The following RNF149 variants were observed in gnomAD, a reference collection of about 807,000 sequenced individuals.
RNF149 encodes ring finger protein 149, also known as E3 ubiquitin-protein ligase RNF149.
RNF149 carries 21 observed loss-of-function variants against 39.0 expected under a neutral mutation model. The observed-to-expected ratio is 0.54, with a 90% confidence interval of 0.38 to 0.77. The LOEUF (loss-of-function observed/expected upper bound fraction) is 0.77, where lower values mean the gene tolerates loss of function less well. Ranked by LOEUF, RNF149 falls within the 30% of genes least tolerant of loss-of-function variation. The pLI, the probability that RNF149 is intolerant of heterozygous loss-of-function variation, is 0.00. For synonymous variants in RNF149, 209 were observed against 213.6 expected (o/e 0.98, Z 0.19); for missense variants, 493 against 534.9 (o/e 0.92, Z 0.77).
rs1558784220 is a variant in RNF149, at chr2:101,289,020, A to G, written c.816T>C (p.Cys272=). Residue 272 remains cysteine, a synonymous_variant, in exon 4 of 7, where the codon TGT becomes TGC. Coordinates refer to ENST00000295317, the MANE Select transcript of RNF149 (RefSeq NM_173647.4). ...TATCCTTTACTTTGAAATTTTCAAT[A>G]CACACTGCACAATTTTCAGCATCAA... is the stretch of plus-strand genomic sequence containing the variant. ...IDVDAENCAV[C]IENFKVKDII... 6.3e-7 allele frequency: 1 copy of G among 1,595,486 alleles called. No homozygotes were observed. Among genetic ancestry groups the G allele is most frequent in the Non-Finnish European group, 8.6e-7 (1 of 1,164,274 alleles).
rs1348295595 is a variant in RNF149 at position 101,276,773 on chromosome 2, A to G, written c.*465T>C. ...TCAGTTTACAAGTTTCAAGTTCTTA[A>G]AAAAAAAACAACAAAAAAAACCTTT... On this transcript the variant is annotated 3_prime_UTR_variant, in exon 7 of 7. Coordinates refer to ENST00000295317, the MANE Select transcript of RNF149 (RefSeq NM_173647.4). 1.0e-6 allele frequency: 1 copy of G among 988,992 alleles called. No homozygotes were observed. The highest frequency in any genetic ancestry group is 1.2e-6 in the Non-Finnish European group (1 of 831,974). The allele number at this position is 988,992 out of a possible 1,614,324, so 61.3% of individuals were successfully genotyped here. A position where few individuals can be genotyped will look rare whatever the true frequency, so the allele number is the denominator to read the frequency against.
intron 1 of RNF149, 86 bp from the exon 2 acceptor site, chr2:101,295,267 A>G (rs748982660): frequency 1.1e-4 from 126 of 1,117,088 alleles, no homozygotes; most frequent in Non-Finnish European, 1.5e-4. Context: ...TACTATGTTC[A>G]TCTACATATA....
chr2:101,307,367 G>T (rs1336256211), intron 1 of RNF149, among the ~76,000 whole-genome samples: 1 of 152,140 alleles, frequency 6.6e-6, no homozygotes, highest in Non-Finnish European at 1.5e-5. Flanking sequence ...AATTTTTGCA[G>T]ATATGGGGTC....
chr2:101,282,332 A>C (rs1296552987), intron 5 of RNF149, among the ~76,000 whole-genome samples: 5 of 152,100 alleles, frequency 3.3e-5, no homozygotes, highest in Admixed American at 6.6e-5. Flanking sequence ...ACAGAAAGTG[A>C]AGCTTTCTTC....
chr2:101,303,245 A>G (rs973839820), intron 1 of RNF149, among the ~76,000 whole-genome samples: 2 of 150,878 alleles, frequency 1.3e-5, no homozygotes, highest in Non-Finnish European at 2.9e-5. Context: ...CCTCCCGAGT[A>G]GCTGAGACTA....
chr2:101,289,217 G>T (rs948450151), intron 3 of RNF149, among the ~76,000 whole-genome samples, 162 bp from the exon 4 acceptor site: 33 of 152,098 alleles, frequency 2.2e-4, no homozygotes, highest in Admixed American at 2.2e-3. Context: ...ACCACTATTA[G>T]AGGATTATCT....
At chr2:101,298,700 T>C (rs1683336227) in intron 1 of RNF149, among the ~76,000 whole-genome samples, 1 of 151,944 alleles carries the variant, frequency 6.6e-6, no homozygotes, top group Admixed American at 6.6e-5. Context: ...CCCAAAGACC[T>C]ATATGCTCCC....
intron 1 of RNF149, among the ~76,000 whole-genome samples, chr2:101,296,720 T>G (rs1183358348): frequency 6.6e-6 from 1 of 151,816 alleles, no homozygotes; most frequent in African/African-American, 2.4e-5. Context: ...CCAACTAAAT[T>G]AAAGACTTAA....
At chr2:101,302,981 TA>T (rs58511902) in intron 1 of RNF149, among the ~76,000 whole-genome samples, 35,212 of 141,150 alleles carry the variant, frequency 0.25, 4,107 homozygotes, top group Middle Eastern at 0.35. Flanking sequence ...CACTTGTCTC[TA>T]AAAAAAAAAA....
chr2:101,290,708 A>G (rs1018190158), intron 3 of RNF149, among the ~76,000 whole-genome samples: 60 of 152,360 alleles, frequency 3.9e-4, no homozygotes, highest in Non-Finnish European at 5.7e-4. Context: ...AAGAATGACA[A>G]ATTAGAGTAA....
chr2:101,303,155 C>G (rs1683518650), intron 1 of RNF149, among the ~76,000 whole-genome samples: 1 of 152,082 alleles, frequency 6.6e-6, no homozygotes, highest in Non-Finnish European at 1.5e-5. Context: ...TGCTCTGTCA[C>G]CCAGAGCTGT....
chr2:101,287,765 G>A (rs991191648), intron 4 of RNF149, among the ~76,000 whole-genome samples: 1 of 152,170 alleles, frequency 6.6e-6, no homozygotes, highest in African/African-American at 2.4e-5. Context: ...TGGTTACCCT[G>A]ATACTCACGC....
At chr2:101,294,119 T>A (rs763563082) in intron 2 of RNF149, 37 bp from the exon 3 acceptor site, 1 of 1,132,708 alleles carries the variant, frequency 8.8e-7, no homozygotes, top group South Asian at 1.3e-5. Flanking sequence ...TATTGAAAAA[T>A]TTAAATTAAA....
chr2:101,294,113 G>A (rs188746193), intron 2 of RNF149, 31 bp from the exon 3 acceptor site: 392 of 1,196,402 alleles, frequency 3.3e-4, no homozygotes, highest in Admixed American at 5.5e-4. Flanking sequence ...TACAGTTATT[G>A]AAAAATTTAA....
intron 1 of RNF149, among the ~76,000 whole-genome samples, chr2:101,300,890 C>T (rs1024252260): frequency 6.6e-6 from 1 of 152,202 alleles, no homozygotes; most frequent in African/African-American, 2.4e-5. Flanking sequence ...GGGTGCCAGG[C>T]ACGGGCACCT....
At chr2:101,274,379 G>A (rs529168910), downstream of RNF149, among the ~76,000 whole-genome samples, 38 of 152,326 alleles carry the variant, frequency 2.5e-4, no homozygotes, top group African/African-American at 8.7e-4. Context: ...TGCCACCAAT[G>A]CTGTATGGCG....
chr2:101,271,644 T>C (rs576870873), downstream of RNF149: 1 of 151,394 alleles, frequency 6.6e-6, no homozygotes, highest in East Asian at 1.9e-4. Context: ...TGCAATAAAC[T>C]TTTTTAAGTA....
intron 3 of RNF149, among the ~76,000 whole-genome samples, chr2:101,291,140 TATTA>T (rs1478251159): frequency 1.2e-4 from 19 of 152,314 alleles, no homozygotes; most frequent in Admixed American, 3.3e-4. Flanking sequence ...AACATTTTAT[TATTA>T]ATTAATTAAT....
At chr2:101,278,289 C>T (rs960702710) in intron 6 of RNF149, among the ~76,000 whole-genome samples, 7 of 152,014 alleles carry the variant, frequency 4.6e-5, no homozygotes, top group Admixed American at 1.3e-4. Context: ...AGAGCTAGGA[C>T]TACAGTAGGC....
Sources: allele counts gnomAD v4.1 joint callset (sites outside exome capture counted in the v4.1 genomes callset), GRCh38; gene constraint gnomAD v4.1.1; transcripts MANE v1.5; gene names NCBI Gene and HGNC (gene_info 2026-07-23, HGNC 2026-07-21).